TRPC5: variants seen among roughly 807,000 people sequenced by gnomAD.
TRPC5 encodes the protein short transient receptor potential channel 5.
A neutral mutation model predicts 56.5 loss-of-function variants in TRPC5; 9 were observed. The observed-to-expected ratio is 0.16, with a 90% confidence interval of 0.10 to 0.28. The LOEUF (loss-of-function observed/expected upper bound fraction) is 0.28, where lower values mean the gene tolerates loss of function less well. Among genes scored for constraint, TRPC5 ranks in the 10% least tolerant of loss-of-function variants. The pLI is 1.00. For synonymous variants in TRPC5, 282 were observed against 278.5 expected, an observed-to-expected ratio of 1.01 and a Z score of -0.13; for missense variants, 469 against 748.9, an observed-to-expected ratio of 0.63 and a Z score of 4.36.
intron 1 of TRPC5, among the ~76,000 whole-genome samples, chrX:112,008,534 A>G (rs1319749389): frequency 9.3e-6 from 1 of 108,005 alleles, no homozygotes; most frequent in African/African-American, 3.4e-5. Flanking sequence ...CGGGAGGTGG[A>G]GCTTGCAGTG....
intron 3 of TRPC5, among the ~76,000 whole-genome samples, chrX:111,905,320 CTATT>C (rs1160798725): frequency 1.8e-5 from 2 of 111,044 alleles, no homozygotes; most frequent in African/African-American, 6.6e-5. Flanking sequence ...TTTCTTCTGT[CTATT>C]TAACCCTCAG....
At chrX:112,042,810 A>T (rs958203954) in intron 1 of TRPC5, among the ~76,000 whole-genome samples, 1 of 105,151 alleles carries the variant, frequency 9.5e-6, no homozygotes, top group Non-Finnish European at 2.0e-5. Context: ...TCTTAGCTAT[A>T]TTTTTTTTTT....
At chrX:111,915,670 C>T (rs930740907) in intron 2 of TRPC5, among the ~76,000 whole-genome samples, 30 of 112,249 alleles carry the variant, frequency 2.7e-4, no homozygotes, top group African/African-American at 9.7e-4. Flanking sequence ...TACTTTTTGC[C>T]TCCTTGATAA....
rs988039532 is a variant in TRPC5 at position 112,075,855 on chromosome X, C to T, written c.-22+6024G>A. 3.6e-5 allele frequency among the ~76,000 whole-genome samples: 4 copies of T among 111,869 alleles called. No homozygotes were observed. The East Asian group carries it at 1.1e-3, about 32-fold the overall frequency. On this transcript the variant is annotated intron_variant, in intron 1 of 10. Transcript: ENST00000262839. ...AATTAGGACTTCAGTTTTGTAACATCAAGGAAGTGAATTAGGCCAACAATC... is the reference window on the plus strand; with the variant it reads ...AATTAGGACTTCAGTTTTGTAACATTAAGGAAGTGAATTAGGCCAACAATC...
intron 6 of TRPC5, among the ~76,000 whole-genome samples, chrX:111,842,757 G>A (rs900286701): frequency 8.9e-6 from 1 of 112,064 alleles, no homozygotes; most frequent in African/African-American, 3.3e-5. Flanking sequence ...TTTGCTCTTG[G>A]GCCAAGTGCC....
intron 7 of TRPC5, among the ~76,000 whole-genome samples, chrX:111,793,414 A>G (rs1329554179): frequency 2.7e-5 from 3 of 112,489 alleles, no homozygotes; most frequent in Non-Finnish European, 5.6e-5. Context: ...TTCTTCGAAG[A>G]AGATACATAA....
intron 3 of TRPC5, among the ~76,000 whole-genome samples, chrX:111,895,191 C>G (rs1925005965): frequency 9.0e-6 from 1 of 111,373 alleles, no homozygotes; most frequent in South Asian, 3.8e-4. Context: ...GTTTTCAGTG[C>G]TTGGTATTGT....
At chrX:111,816,232 C>T (rs1457877636) in intron 7 of TRPC5, among the ~76,000 whole-genome samples, 1 of 112,089 alleles carries the variant, frequency 8.9e-6, no homozygotes, top group Non-Finnish European at 1.9e-5. Flanking sequence ...TGAGACTGCA[C>T]AGGAATCTCC....
At chrX:111,876,758 T>A (rs972026102) in intron 3 of TRPC5, among the ~76,000 whole-genome samples, 8 of 112,137 alleles carry the variant, frequency 7.1e-5, no homozygotes, top group Admixed American at 9.5e-5. Flanking sequence ...CATATACTTC[T>A]CTGAAGAAAT....
At chrX:112,012,613 A>G (rs1379938791) in intron 1 of TRPC5, among the ~76,000 whole-genome samples, 1 of 111,007 alleles carries the variant, frequency 9.0e-6, no homozygotes, top group African/African-American at 3.3e-5. Flanking sequence ...TCTCCTCTTC[A>G]CAGATGAGTC....
chrX:111,927,063 G>A (rs1277687501), intron 2 of TRPC5, among the ~76,000 whole-genome samples: 1 of 112,228 alleles, frequency 8.9e-6, no homozygotes, highest in African/African-American at 3.2e-5. Context: ...ATATGTGACA[G>A]GGACTCCATT....
intron 7 of TRPC5, among the ~76,000 whole-genome samples, chrX:111,787,475 C>G (rs1210298455): frequency 9.1e-6 from 1 of 109,312 alleles, no homozygotes; most frequent in Non-Finnish European, 1.9e-5. Context: ...AAATGGACAC[C>G]CTAACATCAC....
intron 3 of TRPC5, among the ~76,000 whole-genome samples, chrX:111,870,015 T>C (rs187914638): frequency 1.2e-3 from 130 of 111,839 alleles, no homozygotes; most frequent in African/African-American, 4.1e-3. Flanking sequence ...AGAATAAATA[T>C]ATCAAAGCAG....
rs981053404 is a variant in TRPC5, at chrX:111,958,764, A to G, written c.-21-6323T>C. 8.0e-5 allele frequency among the ~76,000 whole-genome samples: 9 copies of G among 112,251 alleles called. No individual in the cohort carries two copies. The Admixed American group carries it at 8.5e-4, about 11-fold the overall frequency. ...AAAGAAATTCCCACTGATACACACT[A>G]CAATCAAACTGTCAAAAGCCAAAGA... On this transcript the variant is annotated intron_variant, in intron 1 of 10. Coordinates refer to ENST00000262839, the MANE Select transcript of TRPC5 (RefSeq NM_012471.3).
intron 1 of TRPC5, among the ~76,000 whole-genome samples, chrX:112,036,208 T>G (rs1929737477): frequency 8.9e-6 from 1 of 111,764 alleles, no homozygotes; most frequent in South Asian, 3.8e-4. Flanking sequence ...CAAAGAAAAT[T>G]TATGCCCAGA....
chrX:111,917,265 TG>T (rs1470939962), intron 2 of TRPC5, among the ~76,000 whole-genome samples: 11 of 112,677 alleles, frequency 9.8e-5, no homozygotes, highest in Non-Finnish European at 2.1e-4. Flanking sequence ...TCTCGCCAGC[TG>T]GTGCAAGCCA....
rs759888237 is a variant in TRPC5, at chrX:111,833,746, C to CAT, written c.1896+1173_1896+1174dup. Among the ~76,000 whole-genome samples, 358 of 109,095 alleles carry CAT rather than the reference C, an allele frequency of 3.3e-3. 1 individual carries two copies. The highest frequency in any genetic ancestry group is 2.9e-3 in the Non-Finnish European group (150 of 52,349). 94.7% of individuals were successfully genotyped at this position (109,095 alleles called of 115,157 possible). On this transcript the variant is annotated intron_variant, in intron 7 of 10. Coordinates refer to ENST00000262839, the MANE Select transcript of TRPC5 (RefSeq NM_012471.3). ...GTATGGGTATGTGTGTGTGTGTGTG[C>CAT]ATATATATATATGCACATACACATA...
intron 3 of TRPC5, among the ~76,000 whole-genome samples, chrX:111,898,886 G>A (rs1483394276): frequency 9.1e-6 from 1 of 109,944 alleles, no homozygotes; most frequent in African/African-American, 3.3e-5. Context: ...CCACCAAGGA[G>A]AAAGGGATCC....
At chrX:111,823,482 T>C (rs1406439448) in intron 7 of TRPC5, among the ~76,000 whole-genome samples, 1 of 111,720 alleles carries the variant, frequency 9.0e-6, no homozygotes, top group African/African-American at 3.3e-5. Flanking sequence ...GATGTGTTCA[T>C]TCAATGAGGA....
Sources: allele counts gnomAD v4.1 joint callset (sites outside exome capture counted in the v4.1 genomes callset), GRCh38; gene constraint gnomAD v4.1.1; transcripts MANE v1.5; gene names NCBI Gene and HGNC (gene_info 2026-07-23, HGNC 2026-07-21).